Variants in ZNF655 observed in about 807,000 individuals in gnomAD.
The protein encoded by ZNF655 is zinc finger protein 655, also known as Vav-interacting Kruppel-like protein 1.
A neutral mutation model predicts 6.6 loss-of-function variants in ZNF655; 3 were observed. The observed-to-expected ratio is 0.46, with a 90% CI of 0.21 to 1.18. ZNF655 has a LOEUF of 1.18. ZNF655 is among the 50% of genes most tolerant of loss of function. The pLI, the probability that ZNF655 is intolerant of heterozygous loss-of-function variation, is 0.24. For missense variants in ZNF655, 526 were observed against 572.3 expected (o/e 0.92, Z 0.83); for synonymous variants, 178 against 195.0 (o/e 0.91, Z 0.73).
rs1164374290 is a variant in ZNF655, at chr7:99,573,081, C to T, written c.973C>T (p.His325Tyr). 1.9e-6 allele frequency: 3 copies of T among 1,614,088 alleles called. No homozygotes were observed. Reference protein sequence around the residue: ...SVHLTQHQKIHKEMPCKCTVC... With the variant: ...SVHLTQHQKIYKEMPCKCTVC... ...CCACCTTACTCAACATCAGAAAATT[C>T]ACAAAGAGATGCCCTGTAAGTGTAC... is the stretch of plus-strand genomic sequence containing the variant. Residue 325 changes from histidine (H) to tyrosine (Y), a missense_variant, in exon 3 of 3, where the codon CAC becomes TAC. Coordinates refer to ENST00000252713, the MANE Select transcript of ZNF655 (RefSeq NM_138494.3).
Position 99,572,542 on chromosome 7 carries a change from A to G in ZNF655, c.434A>G (p.Asp145Gly), listed in dbSNP as rs1466362035. Residue 145 changes from aspartate to glycine, a missense_variant, in exon 3 of 3, where the codon GAT becomes GGT. Coordinates refer to ENST00000252713, the MANE Select transcript of ZNF655 (RefSeq NM_138494.3). The stretch of plus-strand genomic sequence containing the variant: ...AGCTTCAGTCTGGACTCTACTATTG[A>G]TGCAGATCAGAGAGTTCTTAGAATA... ...EKSFSLDSTI[D>G]ADQRVLRIQN... The G allele has an allele frequency of 6.2e-6, 10 of 1,614,002 alleles. No individual in the cohort carries two copies. Among genetic ancestry groups the G allele is most frequent in the Non-Finnish European group, 7.6e-6 (9 of 1,179,958 alleles).
chr7:99,562,262 T>G, intron 2 of ZNF655: 1 of 1,418,864 alleles, frequency 7.0e-7, no homozygotes, highest in South Asian at 1.4e-5. Context: ...TTCTCCCTCC[T>G]CCTCAACGTA....
At position 99,572,735 on chromosome 7, in the gene ZNF655, G is replaced by T. The variant is rs2151170646; in HGVS notation, c.627G>T (p.Glu209Asp). Residue 209 changes from glutamate to aspartate, a missense_variant, in exon 3 of 3, where the codon GAG (glutamate) becomes GAT (aspartate). Coordinates refer to ENST00000252713, the MANE Select transcript of ZNF655 (RefSeq NM_138494.3). ...LNKWESIPNT[E>D]KSYKCDVCGK... ...AATGGGAGAGCATCCCTAACACTGA[G>T]AAATCCTATAAATGTGATGTATGTG... 1 of 1,613,114 alleles carries T rather than the reference G, an allele frequency of 6.2e-7. No individual in the cohort carries two copies. Among genetic ancestry groups the T allele is most frequent in the Non-Finnish European group, 8.5e-7 (1 of 1,179,922 alleles).
At chr7:99,559,921 C>G (rs778782821) in intron 1 of ZNF655, among the ~76,000 whole-genome samples, 8 of 151,734 alleles carry the variant, frequency 5.3e-5, no homozygotes, top group Middle Eastern at 3.4e-3. Context: ...AGCCACCGCA[C>G]GTGGCCAATT....
chr7:99,571,201 GTTTC>G, intron 2 of ZNF655: 1 of 1,275,870 alleles, frequency 7.8e-7, no homozygotes, highest in South Asian at 1.3e-5. Flanking sequence ...GAAACAAATT[GTTTC>G]TTGAGATTGG....
rs185703139 is a variant in ZNF655 at position 99,576,061 on chromosome 7, T to C, written c.*2477T>C. 2.0e-5 allele frequency: 3 copies of C among 152,218 alleles called. No individual in the cohort carries two copies. Among genetic ancestry groups the C allele is most frequent in the African/African-American group, 4.8e-5 (2 of 41,454 alleles). The allele number at this position is 152,218 out of a possible 1,614,324, so 9.4% of individuals were successfully genotyped here. ...TTGAGGCTTTCATAGTTCAGTGTTA[T>C]AATATTCAGTAGGGACCCTCAACAA... On this transcript the variant is annotated 3_prime_UTR_variant, in exon 3 of 3. Coordinates refer to ENST00000252713, the MANE Select transcript of ZNF655 (RefSeq NM_138494.3).
At position 99,576,401 on chromosome 7, in the gene ZNF655, G is replaced by C. The variant is rs1472519371; in HGVS notation, c.*2817G>C. On this transcript the variant is annotated 3_prime_UTR_variant, in exon 3 of 3. Coordinates refer to ENST00000252713, the MANE Select transcript of ZNF655 (RefSeq NM_138494.3). Reference sequence around the variant, plus strand: ...AATCACATGTATGCGTTTGGTTTAGGAATGTGCTTTTGTACTTCCACTTGA... The same window carrying C: ...AATCACATGTATGCGTTTGGTTTAGCAATGTGCTTTTGTACTTCCACTTGA... The C allele has an allele frequency of 1.3e-5, 2 of 152,628 alleles. No individual in the cohort carries two copies. The highest frequency in any genetic ancestry group is 2.9e-5 in the Non-Finnish European group (2 of 68,048). 9.5% of individuals were successfully genotyped at this position (152,628 alleles called of 1,614,324 possible). A position where few individuals can be genotyped will look rare whatever the true frequency, so the allele number is the denominator to read the frequency against.
intron 2 of ZNF655, among the ~76,000 whole-genome samples, chr7:99,565,900 CCA>C (rs754336014): frequency 2.6e-5 from 4 of 152,050 alleles, no homozygotes; most frequent in Non-Finnish European, 2.9e-5. Context: ...AGAATGTTTT[CCA>C]TTGTCACAGC....
chr7:99,573,314 C>T lies in ZNF655; in HGVS notation c.1206C>T (p.His402=), dbSNP rs373120810. ...NSHLIQHQRI[H]TGEKAHECNE... is the part of the protein sequence containing the mutation. ...ATCTTATTCAGCATCAAAGAATTCA[C>T]ACAGGAGAGAAAGCACATGAATGTA... Residue 402 remains histidine (H), a synonymous_variant, in exon 3 of 3, where the codon CAC becomes CAT. Coordinates refer to ENST00000252713, the MANE Select transcript of ZNF655 (RefSeq NM_138494.3). The T allele has an allele frequency of 8.7e-6, 14 of 1,614,026 alleles. No individual in the cohort carries two copies. The highest frequency in any genetic ancestry group is 4.0e-5 in the African/African-American group (3 of 74,912).
In ZNF655 at chr7:99,566,796, C is replaced by G. The variant is rs554235296; in HGVS notation, c.137-5449C>G. Among the ~76,000 whole-genome samples, 23 of 152,324 alleles carry G rather than the reference C, an allele frequency of 1.5e-4. No homozygotes were observed. The South Asian group carries it at 4.8e-3, about 32-fold the overall frequency. On this transcript the variant is annotated intron_variant, in intron 2 of 2. Coordinates refer to ENST00000252713, the MANE Select transcript of ZNF655 (RefSeq NM_138494.3). ...TGTTGAACTCCTGGGCTCAAGTGAT[C>G]TGCATGCCTCAGCTCCCCAGAGTCC...
rs1804220616 is a variant in ZNF655 at position 99,573,306 on chromosome 7, A to G, written c.1198A>G (p.Arg400Gly). 6.2e-7 allele frequency: 1 copy of G among 1,614,092 alleles called. No homozygotes were observed. Among genetic ancestry groups the G allele is most frequent in the Admixed American group, 1.7e-5 (1 of 60,010 alleles). ...RLNSHLIQHQRIHTGEKAHEC... is the reference protein window; with the variant it reads ...RLNSHLIQHQGIHTGEKAHEC... Reference sequence around the variant, plus strand: ...GAATTCACATCTTATTCAGCATCAAAGAATTCACACAGGAGAGAAAGCACA... The same window carrying G: ...GAATTCACATCTTATTCAGCATCAAGGAATTCACACAGGAGAGAAAGCACA... The change falls in exon 3 of 3, where the codon AGA becomes GGA. Residue 400 changes from arginine to glycine, a missense_variant. Physicochemically the swap from Arg to Gly is moderately radical, Grantham distance 125. Coordinates refer to ENST00000252713, the MANE Select transcript of ZNF655 (RefSeq NM_138494.3).
intron 2 of ZNF655, chr7:99,564,809 G>C: frequency 1.6e-6 from 1 of 633,430 alleles, no homozygotes; most frequent in Non-Finnish European, 2.0e-6. Flanking sequence ...TCTTATCTCT[G>C]CACTGCACAC....
At chr7:99,571,344 T>C in intron 2 of ZNF655, 1 of 1,278,972 alleles carries the variant, frequency 7.8e-7, no homozygotes, top group Non-Finnish European at 1.0e-6. Flanking sequence ...ATTTTGATAC[T>C]TGTAGACCAG....
intron 2 of ZNF655, chr7:99,562,401 C>A: frequency 6.2e-7 from 1 of 1,614,098 alleles, no homozygotes; most frequent in Non-Finnish European, 8.5e-7. Context: ...GGCTGTGCAC[C>A]TTACTCGAGA....
At chr7:99,562,020 A>C (rs1373180788) in intron 2 of ZNF655, 1 of 1,467,646 alleles carries the variant, frequency 6.8e-7, no homozygotes, top group Admixed American at 2.4e-5. Flanking sequence ...ATTGCTACTG[A>C]TGGAGTGTGG....
chr7:99,574,677 C>T lies in ZNF655; in HGVS notation c.*1093C>T, dbSNP rs985036664. Reference sequence around the variant, plus strand: ...CTAATGCACCAGTATTAAAACACATCGACGTAAGTAGCTCATTTAGCTTTT... The same window carrying T: ...CTAATGCACCAGTATTAAAACACATTGACGTAAGTAGCTCATTTAGCTTTT... On this transcript the variant is annotated 3_prime_UTR_variant, in exon 3 of 3. Transcript: ENST00000252713. 6.6e-6 allele frequency: 1 copy of T among 152,332 alleles called. No individual in the cohort carries two copies. The highest frequency in any genetic ancestry group is 1.5e-5 in the Non-Finnish European group (1 of 68,032). The allele number at this position is 152,332 out of a possible 1,614,324, so 9.4% of individuals were successfully genotyped here.
chr7:99,568,539 C>T (rs559516187), intron 2 of ZNF655, among the ~76,000 whole-genome samples: 10 of 152,112 alleles, frequency 6.6e-5, no homozygotes, highest in African/African-American at 1.9e-4. Flanking sequence ...CGCGAGCCAC[C>T]GTGCCTGGCT....
At position 99,571,752 on chromosome 7, in the gene ZNF655, G is replaced by A. The variant is rs767722885; in HGVS notation, c.137-493G>A. 3.1e-6 allele frequency: 5 copies of A among 1,609,680 alleles called. No individual in the cohort carries two copies. In the South Asian group the frequency reaches 5.5e-5, roughly 18 times the overall value. ...AACAGGATCTACAGGTCTTTGATCTGGAAACTAAGACTAGAGAAGTCTTAA... is the reference window on the plus strand; with the variant it reads ...AACAGGATCTACAGGTCTTTGATCTAGAAACTAAGACTAGAGAAGTCTTAA... On this transcript the variant is annotated intron_variant, in intron 2 of 2. Coordinates refer to ENST00000252713, the MANE Select transcript of ZNF655 (RefSeq NM_138494.3).
At position 99,574,231 on chromosome 7, in the gene ZNF655, A is replaced by G. The variant is rs1402872638; in HGVS notation, c.*647A>G. On this transcript the variant is annotated 3_prime_UTR_variant, in exon 3 of 3. Coordinates refer to ENST00000252713, the MANE Select transcript of ZNF655 (RefSeq NM_138494.3). Reference sequence around the variant, plus strand: ...TCAGGCTTTACCCAACATCGAAATAATGGAGAGAAAATTGTTGATTATTTG... The same window carrying G: ...TCAGGCTTTACCCAACATCGAAATAGTGGAGAGAAAATTGTTGATTATTTG... 6.6e-6 allele frequency: 1 copy of G among 152,260 alleles called. No individual in the cohort carries two copies. 9.4% of individuals were successfully genotyped at this position (152,260 alleles called of 1,614,324 possible). A position where few individuals can be genotyped will look rare whatever the true frequency, so the allele number is the denominator to read the frequency against.
Sources: allele counts gnomAD v4.1 joint callset (sites outside exome capture counted in the v4.1 genomes callset), GRCh38; gene constraint gnomAD v4.1.1; transcripts MANE v1.5; gene names NCBI Gene and HGNC (gene_info 2026-07-23, HGNC 2026-07-21).